Variants in CSMD1 observed in about 807,000 individuals in gnomAD.
CSMD1 encodes the protein CUB and Sushi multiple domains 1, also known as CUB and sushi domain-containing protein 1.
Under a neutral mutation model 417.5 loss-of-function variants are expected in CSMD1, and 213 were observed. The ratio of observed to expected loss-of-function variants is 0.51; its 90% CI spans 0.46 to 0.57. CSMD1 has a LOEUF of 0.57. Among genes scored for constraint, CSMD1 ranks in the 20% least tolerant of loss-of-function variants. The probability of loss-of-function intolerance (pLI) is 0.00; values close to 1 mark genes in which losing one functional copy is unlikely to be tolerated. For missense variants in CSMD1, 6,923 were observed against 4,529.7 expected (o/e 1.53, Z -15.17); for synonymous variants, 2,862 against 1,736.8 (o/e 1.65, Z -16.11).
intron 17 of CSMD1, among the ~76,000 whole-genome samples, chr8:3,387,953 A>C (rs1039152689): frequency 7.9e-5 from 12 of 152,228 alleles, no homozygotes; most frequent in African/African-American, 1.4e-4. Flanking sequence ...TCTGAATTTT[A>C]CTTTTCTTCT....
At chr8:4,318,943 A>G (rs1799100952) in intron 3 of CSMD1, among the ~76,000 whole-genome samples, 1 of 152,190 alleles carries the variant, frequency 6.6e-6, no homozygotes, top group Non-Finnish European at 1.5e-5. Context: ...TCTCTTTATT[A>G]AAAACAAAAT....
intron 6 of CSMD1, among the ~76,000 whole-genome samples, chr8:3,715,968 G>A (rs914877445): frequency 2.0e-5 from 3 of 152,186 alleles, no homozygotes; most frequent in East Asian, 3.8e-4. Flanking sequence ...TCAGATGAAC[G>A]GTTCTCTTTG....
intron 3 of CSMD1, among the ~76,000 whole-genome samples, chr8:4,371,467 T>C (rs899415710): frequency 5.3e-5 from 8 of 152,230 alleles, no homozygotes; most frequent in South Asian, 2.1e-4. Context: ...TGTCTGGGGA[T>C]AGAAAATATA....
chr8:4,086,398 C>G (rs1477412954), intron 3 of CSMD1, among the ~76,000 whole-genome samples: 3 of 152,178 alleles, frequency 2.0e-5, no homozygotes, highest in Admixed American at 6.5e-5. Flanking sequence ...TACAGGCAGA[C>G]AGACTTGTAA....
intron 1 of CSMD1, among the ~76,000 whole-genome samples, chr8:4,651,011 G>A (rs1165093738): frequency 6.6e-6 from 1 of 152,054 alleles, no homozygotes; most frequent in Non-Finnish European, 1.5e-5. Context: ...TAGAGACAAG[G>A]GACCATTTGC....
intron 26 of CSMD1, among the ~76,000 whole-genome samples, chr8:3,243,158 T>G (rs1799654597): frequency 1.3e-5 from 2 of 151,504 alleles, no homozygotes; most frequent in South Asian, 4.2e-4. Context: ...GAGAAGAGAG[T>G]AAGAGGCCGC....
At chr8:4,733,166 C>G (rs1380259364) in intron 1 of CSMD1, among the ~76,000 whole-genome samples, 2 of 152,158 alleles carry the variant, frequency 1.3e-5, no homozygotes, top group Non-Finnish European at 2.9e-5. Flanking sequence ...TCAATGTCTA[C>G]CAAGTACTGA....
At chr8:3,239,005 G>C (rs1388932842) in intron 26 of CSMD1, among the ~76,000 whole-genome samples, 1 of 152,138 alleles carries the variant, frequency 6.6e-6, no homozygotes, top group Non-Finnish European at 1.5e-5. Flanking sequence ...TTGGTGTGGT[G>C]TCTGGAATGA....
At chr8:3,797,106 A>ATG (rs1800194889) in intron 5 of CSMD1, among the ~76,000 whole-genome samples, 1 of 151,942 alleles carries the variant, frequency 6.6e-6, no homozygotes, top group Non-Finnish European at 1.5e-5. Flanking sequence ...TGAACATTTA[A>ATG]AACATAAGTA....
At chr8:3,255,199 G>A (rs979694169) in intron 26 of CSMD1, among the ~76,000 whole-genome samples, 1 of 152,132 alleles carries the variant, frequency 6.6e-6, no homozygotes, top group African/African-American at 2.4e-5. Context: ...TTGGTGAACA[G>A]CGAATGTTGC....
intron 19 of CSMD1, among the ~76,000 whole-genome samples, chr8:3,368,305 A>G (rs1348438936): frequency 6.6e-6 from 1 of 152,162 alleles, no homozygotes; most frequent in Non-Finnish European, 1.5e-5. Flanking sequence ...AGTCTACATA[A>G]TACTTATGTG....
At chr8:3,154,657 T>G (rs1396469151) in intron 39 of CSMD1, among the ~76,000 whole-genome samples, 1 of 152,120 alleles carries the variant, frequency 6.6e-6, no homozygotes, top group Non-Finnish European at 1.5e-5. Context: ...TGACATGAAC[T>G]TCACCCAGCT....
intron 6 of CSMD1, among the ~76,000 whole-genome samples, chr8:3,726,248 G>C (rs534678974): frequency 6.6e-5 from 10 of 152,208 alleles, no homozygotes; most frequent in African/African-American, 2.4e-4. Context: ...TGAGAGGCTG[G>C]GAAAGAACAG....
Position 4,312,423 on chromosome 8 carries a change from G to A in CSMD1, c.415+107530C>T, listed in dbSNP as rs540661415. ...CATATATATGCGTGTATATATATGC[G>A]CGTATATATATATGCGTATATATAT... On this transcript the variant is annotated intron_variant, in intron 3 of 69. Coordinates refer to ENST00000635120, the MANE Select transcript of CSMD1 (RefSeq NM_033225.6). 5.7e-3 allele frequency among the ~76,000 whole-genome samples: 594 copies of A among 105,120 alleles called. 66 individuals carry two copies. Among genetic ancestry groups the A allele is most frequent in the African/African-American group, 0.02 (252 of 12,844 alleles). The allele number at this position is 105,120 out of a possible 152,430, so 69.0% of individuals were successfully genotyped here.
intron 1 of CSMD1, among the ~76,000 whole-genome samples, chr8:4,771,547 C>T (rs546709479): frequency 1.3e-5 from 2 of 152,314 alleles, no homozygotes; most frequent in Non-Finnish European, 2.9e-5. Context: ...TAGGCATTTT[C>T]CACTCTAAGG....
intron 21 of CSMD1, among the ~76,000 whole-genome samples, chr8:3,351,214 T>C (rs1444347617): frequency 6.6e-6 from 1 of 152,180 alleles, no homozygotes; most frequent in Non-Finnish European, 1.5e-5. Flanking sequence ...AACACTTAAA[T>C]GTACAAAGGT....
intron 1 of CSMD1, among the ~76,000 whole-genome samples, chr8:4,909,351 T>G (rs1367113914): frequency 6.6e-6 from 1 of 152,158 alleles, no homozygotes; most frequent in African/African-American, 2.4e-5. Context: ...TCTACTACTT[T>G]TCCAGTTATA....
At chr8:4,435,058 G>C (rs771240853) in intron 2 of CSMD1, among the ~76,000 whole-genome samples, 1 of 151,990 alleles carries the variant, frequency 6.6e-6, no homozygotes, top group Non-Finnish European at 1.5e-5. Context: ...TATAGTTTGT[G>C]TGTAATATAT....
chr8:3,404,504 G>C (rs907778443), intron 15 of CSMD1, among the ~76,000 whole-genome samples: 5 of 152,120 alleles, frequency 3.3e-5, no homozygotes, highest in African/African-American at 1.2e-4. Context: ...TCTGCTTAGA[G>C]TCCTTGATAG....
Sources: gnomAD v4.1 joint callset for allele counts (sites outside exome capture counted in the v4.1 genomes callset) on GRCh38, gnomAD v4.1.1 for gene constraint, MANE v1.5 for transcripts, NCBI Gene and HGNC (gene_info 2026-07-23, HGNC 2026-07-21) for gene names.